MRPL43: variants seen among roughly 807,000 people sequenced by gnomAD.
MRPL43 encodes the protein mitochondrial ribosomal protein L43.
In MRPL43, 9 loss-of-function variants were observed where a neutral mutation model predicts 12.7. The ratio of observed to expected loss-of-function variants is 0.71; its 90% confidence interval spans 0.43 to 1.24. MRPL43 has a LOEUF of 1.24. Among genes scored for constraint, MRPL43 ranks in the 50% most tolerant of loss-of-function variants. MRPL43 has a pLI of 0.00. For missense variants in MRPL43, 211 were observed against 229.2 expected, an observed-to-expected ratio of 0.92 and a Z score of 0.51; for synonymous variants, 116 against 96.4, an observed-to-expected ratio of 1.20 and a Z score of -1.19.
chr10:100,980,005 G>T (rs373417158), downstream of MRPL43: 22 of 1,613,976 alleles, frequency 1.4e-5, no homozygotes, highest in African/African-American at 2.8e-4. Flanking sequence ...GAGTGCCCAG[G>T]CCTGGGGCCA....
At chr10:100,987,055 A>C in intron 2 of MRPL43, 35 bp downstream of exon 2, 3 of 1,610,412 alleles carry the variant, frequency 1.9e-6, no homozygotes, top group Non-Finnish European at 2.5e-6. Flanking sequence ...CGAGCCCCTG[A>C]TCCCGCCCTC....
chr10:100,983,898 G>GCA, downstream of MRPL43: 1 of 1,523,114 alleles, frequency 6.6e-7, no homozygotes, highest in Non-Finnish European at 8.8e-7. Flanking sequence ...TGGGGAGGGA[G>GCA]CCCCAGCCCC....
chr10:100,984,442 C>A (rs774547564), downstream of MRPL43: 206 of 1,501,708 alleles, frequency 1.4e-4, no homozygotes, highest in Non-Finnish European at 2.9e-5. Flanking sequence ...GTGAGGACTC[C>A]ATCCTCCTGT....
chr10:100,979,953 TC>T, downstream of MRPL43: 1 of 1,613,732 alleles, frequency 6.2e-7, no homozygotes, highest in Non-Finnish European at 8.5e-7. Flanking sequence ...GGCGCTGGGG[TC>T]GCTATGAGGG....
chr10:100,978,910 TGAC>T (rs1850922975), downstream of MRPL43: 1 of 1,614,098 alleles, frequency 6.2e-7, no homozygotes, highest in Non-Finnish European at 8.5e-7. Flanking sequence ...TGGGTGATGA[TGAC>T]AAGGTGTACT....
chr10:100,981,195 A>G (rs1851053737), downstream of MRPL43: 1 of 1,614,206 alleles, frequency 6.2e-7, no homozygotes, highest in Non-Finnish European at 8.5e-7. Flanking sequence ...ACATAGAGAG[A>G]GGAAATCGAG....
downstream of MRPL43, chr10:100,984,634 C>A: frequency 6.5e-7 from 1 of 1,536,154 alleles, no homozygotes. Flanking sequence ...GAATGTTTAT[C>A]GGCTGGGCTG....
chr10:100,979,043 C>T (rs369506663), downstream of MRPL43: 67 of 1,613,234 alleles, frequency 4.2e-5, no homozygotes, highest in Middle Eastern at 4.9e-4. Context: ...CGTTGGGGCA[C>T]GGGTATAGAG....
At chr10:100,983,267 G>C (rs935873592), downstream of MRPL43, 4 of 1,474,858 alleles carry the variant, frequency 2.7e-6, no homozygotes, top group East Asian at 2.5e-5. Flanking sequence ...TCCCTTCCTG[G>C]GACGGGCTGG....
chr10:100,983,844 G>A (rs753794838), downstream of MRPL43: 2 of 1,593,302 alleles, frequency 1.3e-6, no homozygotes, highest in Non-Finnish European at 8.5e-7. Context: ...GGGTGATGAT[G>A]AGGGGGCTGG....
downstream of MRPL43, chr10:100,983,825 G>A (rs1249714433): frequency 1.1e-5 from 17 of 1,599,910 alleles, no homozygotes; most frequent in Admixed American, 1.7e-5. Flanking sequence ...GTCCTGGAGA[G>A]GAAGATGAGG....
At chr10:100,981,217 A>G (rs756467836), downstream of MRPL43, 2 of 1,614,112 alleles carry the variant, frequency 1.2e-6, no homozygotes, top group African/African-American at 2.7e-5. Flanking sequence ...CTGTGAGAGC[A>G]GCAGGGATAC....
chr10:100,981,640 T>C, downstream of MRPL43: 1 of 1,432,954 alleles, frequency 7.0e-7, no homozygotes, highest in Non-Finnish European at 9.7e-7. Flanking sequence ...CATGATGTCA[T>C]CTACTGTCAC....
rs756799726 is a variant in MRPL43, at chr10:100,986,590, G to A, written c.*144C>T. The A allele has an allele frequency of 6.2e-7, 1 of 1,602,802 alleles. No homozygotes were observed. On this transcript the variant is annotated 3_prime_UTR_variant, in exon 3 of 3. Coordinates refer to ENST00000318364, the MANE Select transcript of MRPL43 (RefSeq NM_032112.3). ...AGCAGGCACTGGAAAGAAACAGGCA[G>A]CTCTTCATTATCCCAAGCAGAACCT...
chr10:100,978,327 C>T (rs74154244), downstream of MRPL43: 3,537 of 1,613,562 alleles, frequency 2.2e-3, 61 homozygotes, highest in African/African-American at 0.041. Context: ...CAACCAGCTT[C>T]GAGGAGGGGA....
At chr10:100,987,003 G>T in intron 2 of MRPL43, 28 bp from the exon 3 acceptor site, 1 of 1,605,078 alleles carries the variant, frequency 6.2e-7, no homozygotes. Context: ...AGAGTGGGTG[G>T]AAGCTGGCCG....
chr10:100,983,848 G>T (rs1369335681), downstream of MRPL43: 2 of 1,591,246 alleles, frequency 1.3e-6, no homozygotes, highest in East Asian at 2.3e-5. Flanking sequence ...GATGATGAGG[G>T]GGCTGGGGGC....
Position 100,986,435 on chromosome 10 carries a change from T to A in MRPL43, c.*299A>T. ...AGCCTTCAGACCTCTCACTGTGTTTTGAGATCATTATTATCAATTTGGATT... is the reference window on the plus strand; with the variant it reads ...AGCCTTCAGACCTCTCACTGTGTTTAGAGATCATTATTATCAATTTGGATT... On this transcript the variant is annotated 3_prime_UTR_variant, in exon 3 of 3. Transcript: ENST00000318364. 2 of 1,516,340 alleles carry A rather than the reference T, an allele frequency of 1.3e-6. No homozygotes were observed. The highest frequency in any genetic ancestry group is 1.8e-6 in the Non-Finnish European group (2 of 1,133,652). The allele number at this position is 1,516,340 out of a possible 1,614,324, so 93.9% of individuals were successfully genotyped here. A position where few individuals can be genotyped will look rare whatever the true frequency, so the allele number is the denominator to read the frequency against.
downstream of MRPL43, chr10:100,984,875 G>T: frequency 1.4e-6 from 2 of 1,480,532 alleles, no homozygotes; most frequent in Non-Finnish European, 1.8e-6. Context: ...ACTCTCCTTG[G>T]TCATTCTCAA....
Sources: allele counts gnomAD v4.1 joint callset, GRCh38; gene constraint gnomAD v4.1.1; transcripts MANE v1.5; gene names NCBI Gene and HGNC (gene_info 2026-07-23, HGNC 2026-07-21).